CDR2L: variants seen among roughly 807,000 people sequenced by gnomAD.
CDR2L encodes the protein cerebellar degeneration related protein 2 like, also known as cerebellar degeneration-related protein 2-like.
Under a neutral mutation model 36.1 loss-of-function variants are expected in CDR2L, and 19 were observed. That is an observed-to-expected ratio of 0.53 (90% CI 0.37 to 0.77). The LOEUF (loss-of-function observed/expected upper bound fraction) is 0.77, where lower values mean the gene tolerates loss of function less well. Ranked by LOEUF, CDR2L falls within the 30% of genes least tolerant of loss-of-function variation. CDR2L has a pLI of 0.00. For synonymous variants in CDR2L, 285 were observed against 280.4 expected, an observed-to-expected ratio of 1.02 and a Z score of -0.16; for missense variants, 575 against 627.2, an observed-to-expected ratio of 0.92 and a Z score of 0.89.
rs974962636 is a variant in CDR2L at position 75,003,605 on chromosome 17, G to A, written c.929G>A (p.Gly310Asp). The change falls in exon 5 of 5, where the codon GGC becomes GAC. Residue 310 changes from glycine to aspartate, a missense_variant. By Grantham distance (94) the Gly-to-Asp change is moderately conservative (BLOSUM62 -1). Transcript: ENST00000337231. ...DGVSSPAASP[G>D]HVVRKSCSDT... The stretch of plus-strand genomic sequence containing the variant: ...GTCTCCTCACCGGCAGCCTCTCCAG[G>A]CCACGTGGTGCGCAAGAGCTGCAGC... 2.0e-6 allele frequency: 3 copies of A among 1,492,052 alleles called. No individual in the cohort carries two copies. The highest frequency in any genetic ancestry group is 2.7e-6 in the Non-Finnish European group (3 of 1,121,622). The allele number at this position is 1,492,052 out of a possible 1,614,324, so 92.4% of individuals were successfully genotyped here.
Position 75,003,185 on chromosome 17 carries a change from G to A in CDR2L, c.509G>A (p.Cys170Tyr). The A allele has an allele frequency of 6.4e-7, 1 of 1,561,102 alleles. No individual in the cohort carries two copies. The highest frequency in any genetic ancestry group is 2.4e-5 in the East Asian group (1 of 41,570). The change falls in exon 5 of 5, where the codon TGC (cysteine) becomes TAC (tyrosine). Residue 170 changes from cysteine to tyrosine, a missense_variant and splice_region_variant. Physicochemically the swap from Cys to Tyr is radical, Grantham distance 194 (BLOSUM62 -2). Transcript: ENST00000337231. ...CTGCGACTCTCACTACCCGCCAGGTGCAAGGATGCTTTCCGCCTACACAGT... is the reference window on the plus strand; with the variant it reads ...CTGCGACTCTCACTACCCGCCAGGTACAAGGATGCTTTCCGCCTACACAGT... ...CLKELCTSPR[C>Y]KDAFRLHSSS...
At chr17:74,995,840 T>C (rs2039821616) in intron 1 of CDR2L, among the ~76,000 whole-genome samples, 1 of 152,208 alleles carries the variant, frequency 6.6e-6, no homozygotes, top group Admixed American at 6.5e-5. Flanking sequence ...ACTGTTTGAT[T>C]TTTTTACACC....
chr17:74,996,721 C>G (rs2144861201), intron 1 of CDR2L, among the ~76,000 whole-genome samples: 1 of 152,128 alleles, frequency 6.6e-6, no homozygotes, highest in Middle Eastern at 3.4e-3. Context: ...AGGGAAGGTT[C>G]CAATCCTACA....
chr17:75,003,888 T>G lies in CDR2L; in HGVS notation c.1212T>G (p.Gly404=). ...GCTCGTGGAGGGACCTGCGCGGGGG[T>G]GAGGAGGGCCAGGGTGAGGTCAAGG... ...RDSSWRDLRG[G]EEGQGEVKAG... is the part of the protein sequence containing the mutation. Residue 404 remains glycine (G), a synonymous_variant, in exon 5 of 5, where the codon GGT becomes GGG. Transcript: ENST00000337231. 1 of 1,601,350 alleles carries G rather than the reference T, an allele frequency of 6.2e-7. No individual in the cohort carries two copies. The highest frequency in any genetic ancestry group is 8.5e-7 in the Non-Finnish European group (1 of 1,174,786).
In CDR2L at chr17:75,001,515, G is replaced by C. The variant is rs1453020155; in HGVS notation, c.341+26G>C. On this transcript the variant is annotated intron_variant, in intron 3 of 4. Coordinates refer to ENST00000337231, the MANE Select transcript of CDR2L (RefSeq NM_014603.3). ...GTGAGGGCCCGGCTGAGGGCTGGGG[G>C]GCGGGCGAGGGAGAGCCCCAGGGCT... 2.7e-6 allele frequency: 4 copies of C among 1,502,408 alleles called. No individual in the cohort carries two copies. In the South Asian group the frequency reaches 5.3e-5, roughly 20 times the overall value. 93.1% of individuals were successfully genotyped at this position (1,502,408 alleles called of 1,614,324 possible).
In CDR2L at chr17:75,003,335, A is replaced by G. The variant is rs2039879641; in HGVS notation, c.659A>G (p.Tyr220Cys). 6.4e-7 allele frequency: 1 copy of G among 1,555,808 alleles called. No homozygotes were observed. Among genetic ancestry groups the G allele is most frequent in the East Asian group, 2.4e-5 (1 of 41,256 alleles). The change falls in exon 5 of 5, where the codon TAC (tyrosine) becomes TGC (cysteine). Residue 220 changes from tyrosine (Y) to cysteine (C), a missense_variant. Tyr to Cys is a radical substitution (Grantham distance 194, BLOSUM62 -2). Coordinates refer to ENST00000337231, the MANE Select transcript of CDR2L (RefSeq NM_014603.3). Reference sequence around the variant, plus strand: ...CGCAAGGAGCGGGCGGAGCGCGAGTACACCGCGGTGCTGCAGGAGTACTCG... The same window carrying G: ...CGCAAGGAGCGGGCGGAGCGCGAGTGCACCGCGGTGCTGCAGGAGTACTCG... ...RQRKERAERE[Y>C]TAVLQEYSEL...
At chr17:74,998,910 T>C (rs2039846561) in intron 1 of CDR2L, among the ~76,000 whole-genome samples, 1 of 152,226 alleles carries the variant, frequency 6.6e-6, no homozygotes, top group Non-Finnish European at 1.5e-5. Context: ...AGTCCCTTCC[T>C]GGCTGTGATC....
rs201861722 is a variant in CDR2L, at chr17:75,004,031, C to A, written c.1355C>A (p.Ala452Asp). The change falls in exon 5 of 5, where the codon GCT becomes GAT. Residue 452 changes from alanine (A) to aspartate (D), a missense_variant. Coordinates refer to ENST00000337231, the MANE Select transcript of CDR2L (RefSeq NM_014603.3). ...EIFSRIQKTK[A>D]DINATKVKTH... is the part of the protein sequence containing the mutation. ...TTCTCCAGGATCCAGAAGACCAAGG[C>A]TGACATCAACGCCACCAAAGTCAAG... 2.6e-4 allele frequency: 415 copies of A among 1,610,940 alleles called. No homozygotes were observed. The highest frequency in any genetic ancestry group is 3.2e-4 in the Non-Finnish European group (376 of 1,178,804).
intron 1 of CDR2L, 45 bp downstream of exon 1, chr17:74,988,167 T>G: frequency 7.3e-7 from 1 of 1,366,158 alleles, no homozygotes; most frequent in South Asian, 1.3e-5. Context: ...GAGCGCCCGG[T>G]GACCCCTGTC....
chr17:74,990,702 A>G (rs1419422039), intron 1 of CDR2L, among the ~76,000 whole-genome samples: 1 of 152,204 alleles, frequency 6.6e-6, no homozygotes, highest in African/African-American at 2.4e-5. Flanking sequence ...TGAAGGAAGC[A>G]TCAGACACGG....
chr17:74,999,708 C>T (rs2039853176), intron 2 of CDR2L, 92 bp downstream of exon 2: 3 of 710,730 alleles, frequency 4.2e-6, no homozygotes, highest in Admixed American at 2.6e-5. Context: ...GCCAGCTTAT[C>T]GGACACAGCC....
In CDR2L at chr17:75,004,394, C is replaced by G. The variant is rs1257863907; in HGVS notation, c.*320C>G. 1 of 280,758 alleles carries G rather than the reference C, an allele frequency of 3.6e-6. No individual in the cohort carries two copies. Among genetic ancestry groups the G allele is most frequent in the Non-Finnish European group, 6.6e-6 (1 of 151,020 alleles). The allele number at this position is 280,758 out of a possible 1,614,324, so 17.4% of individuals were successfully genotyped here. On this transcript the variant is annotated 3_prime_UTR_variant, in exon 5 of 5. Transcript: ENST00000337231. ...CTGCGCCTCACCCTCAGACTGGTGA[C>G]CAGGCTTCTGAAAGCCATTCTGGAT...
At chr17:74,988,896 G>A (rs1598650360) in intron 1 of CDR2L, among the ~76,000 whole-genome samples, 1 of 152,182 alleles carries the variant, frequency 6.6e-6, no homozygotes, top group Non-Finnish European at 1.5e-5. Flanking sequence ...TGAGGTGGCC[G>A]AAATGACATC....
At chr17:75,003,120 C>T (rs1304232389) in intron 4 of CDR2L, 63 bp from the exon 5 acceptor site, 49 of 1,513,524 alleles carry the variant, frequency 3.2e-5, no homozygotes, top group South Asian at 4.9e-5. Flanking sequence ...CGGCCTTGGC[C>T]GTGCCCGTGA....
chr17:74,990,495 A>G (rs1037939424), intron 1 of CDR2L, among the ~76,000 whole-genome samples: 1 of 152,216 alleles, frequency 6.6e-6, no homozygotes, highest in Non-Finnish European at 1.5e-5. Flanking sequence ...CAAACTCACA[A>G]TGGCGTCAGA....
chr17:74,995,550 A>AGTGCAGT (rs1567973883), intron 1 of CDR2L, among the ~76,000 whole-genome samples: 1 of 152,128 alleles, frequency 6.6e-6, no homozygotes, highest in African/African-American at 2.4e-5. Context: ...TCTGTCACCC[A>AGTGCAGT]GGCTGGAGTG....
chr17:74,999,300 A>ACG (rs2039849092), intron 1 of CDR2L, among the ~76,000 whole-genome samples: 2 of 149,876 alleles, frequency 1.3e-5, no homozygotes, highest in South Asian at 4.3e-4. Flanking sequence ...ACACACACAC[A>ACG]CACACACACA....
At chr17:75,001,621 C>G in intron 3 of CDR2L, 132 bp downstream of exon 3, 1 of 858,348 alleles carries the variant, frequency 1.2e-6, no homozygotes, top group Non-Finnish European at 1.7e-6. Flanking sequence ...GTGAGCTTGT[C>G]CTTGTCGATT....
rs1020916759 is a variant in CDR2L at position 75,004,718 on chromosome 17, G to T, written c.*644G>T. ...CCTGCTCCAGCCCTGCCAGGGACAG[G>T]TTTCTCCCTGGATACTCTTGGCCCA... is the stretch of plus-strand genomic sequence containing the variant. On this transcript the variant is annotated 3_prime_UTR_variant, in exon 5 of 5. Transcript: ENST00000337231. 6 of 152,672 alleles carry T rather than the reference G, an allele frequency of 3.9e-5. No homozygotes were observed. Among genetic ancestry groups the T allele is most frequent in the African/African-American group, 1.4e-4 (6 of 41,438 alleles). The allele number at this position is 152,672 out of a possible 1,614,324, so 9.5% of individuals were successfully genotyped here. A position where few individuals can be genotyped will look rare whatever the true frequency, so the allele number is the denominator to read the frequency against.
Sources: gnomAD v4.1 joint callset for allele counts (sites outside exome capture counted in the v4.1 genomes callset) on GRCh38, gnomAD v4.1.1 for gene constraint, MANE v1.5 for transcripts, NCBI Gene and HGNC (gene_info 2026-07-23, HGNC 2026-07-21) for gene names.